Variants in KCNK2 observed in about 807,000 individuals in gnomAD.
KCNK2 encodes potassium two pore domain channel subfamily K member 2, also known as potassium channel subfamily K member 2.
Under a neutral mutation model 40.5 loss-of-function variants are expected in KCNK2, and 21 were observed. That is an observed-to-expected ratio of 0.52 (90% confidence interval 0.37 to 0.75). The LOEUF (loss-of-function observed/expected upper bound fraction) is 0.75. KCNK2 is among the 30% of genes least tolerant of loss of function. The pLI is 0.00. For missense variants in KCNK2, 399 were observed against 531.6 expected (o/e 0.75, Z 2.45); for synonymous variants, 191 against 202.2 (o/e 0.94, Z 0.47).
intron 5 of KCNK2, among the ~76,000 whole-genome samples, chr1:215,189,218 G>C (rs995609869): frequency 1.3e-5 from 2 of 152,092 alleles, no homozygotes; most frequent in African/African-American, 4.8e-5. Context: ...AAACCAAAAA[G>C]TTACTTAACT....
chr1:215,136,747 A>C (rs1661938300), intron 3 of KCNK2, among the ~76,000 whole-genome samples: 1 of 152,194 alleles, frequency 6.6e-6, no homozygotes, highest in South Asian at 2.1e-4. Flanking sequence ...ATACAAGTGC[A>C]CATGTTGTTT....
chr1:215,116,417 G>A (rs1660947096), intron 2 of KCNK2, among the ~76,000 whole-genome samples: 1 of 151,884 alleles, frequency 6.6e-6, no homozygotes, highest in African/African-American at 2.4e-5. Flanking sequence ...GATATGACCA[G>A]GAAAGACAAC....
chr1:215,207,201 C>A (rs141925602), intron 6 of KCNK2, among the ~76,000 whole-genome samples: 1 of 152,132 alleles, frequency 6.6e-6, no homozygotes, highest in Non-Finnish European at 1.5e-5. Context: ...GGATCCAGGC[C>A]GCACAGCAGG....
At position 215,063,768 on chromosome 1, in the gene KCNK2, T is replaced by C. The variant is rs534330489; in HGVS notation, c.35-22600T>C. ...AATACACGGTACATTAGCCTTCTTT[T>C]CCTTAAGGAAGTGTCATACTGAGGG... On this transcript the variant is annotated intron_variant, in intron 1 of 6. Coordinates refer to the KCNK2 transcript ENST00000391895. Among the ~76,000 whole-genome samples, 77 of 152,274 alleles carry C rather than the reference T, an allele frequency of 5.1e-4. 1 individual carries two copies. Among genetic ancestry groups the C allele is most frequent in the Middle Eastern group, 6.8e-3 (2 of 294 alleles).
At chr1:215,184,381 G>A (rs1416647) in intron 5 of KCNK2, among the ~76,000 whole-genome samples, 116,954 of 152,092 alleles carry the variant, frequency 0.77, 45,263 homozygotes, top group Non-Finnish European at 0.79. Context: ...AAGGCCTTAT[G>A]GCAACTGTGG....
intron 1 of KCNK2, among the ~76,000 whole-genome samples, chr1:215,034,747 T>C (rs1177714175): frequency 1.3e-5 from 2 of 152,194 alleles, no homozygotes; most frequent in African/African-American, 4.8e-5. Context: ...TTCTGTTTCA[T>C]TGATCTATTT....
At chr1:215,182,347 C>G (rs531925534) in intron 5 of KCNK2, among the ~76,000 whole-genome samples, 1 of 152,078 alleles carries the variant, frequency 6.6e-6, no homozygotes, top group East Asian at 1.9e-4. Flanking sequence ...GTTTGCTGCA[C>G]AACAATCTAT....
At chr1:215,200,186 C>A (rs527510185) in intron 6 of KCNK2, among the ~76,000 whole-genome samples, 2 of 152,312 alleles carry the variant, frequency 1.3e-5, no homozygotes, top group African/African-American at 2.4e-5. Context: ...TTTGACTGGA[C>A]AACGCTAGTG....
intron 6 of KCNK2, among the ~76,000 whole-genome samples, chr1:215,214,857 C>CAA (rs974000737): frequency 6.7e-6 from 1 of 149,866 alleles, no homozygotes; most frequent in South Asian, 2.1e-4. Context: ...AACCAAAAAC[C>CAA]AAAAAAAAAT....
chr1:215,043,247 CA>C (rs1657629748), intron 1 of KCNK2, among the ~76,000 whole-genome samples: 1 of 152,116 alleles, frequency 6.6e-6, no homozygotes. Flanking sequence ...GGTAGTTCCT[CA>C]AAAAACTATA....
chr1:215,110,679 T>A (rs1263633209), intron 2 of KCNK2, among the ~76,000 whole-genome samples: 1 of 152,150 alleles, frequency 6.6e-6, no homozygotes, highest in Admixed American at 6.6e-5. Flanking sequence ...TTTAATATAC[T>A]ATTTTTAAAG....
chr1:215,068,249 C>T (rs566800768), intron 1 of KCNK2, among the ~76,000 whole-genome samples: 1 of 152,062 alleles, frequency 6.6e-6, no homozygotes, highest in South Asian at 2.1e-4. Flanking sequence ...GGTACTCAAC[C>T]CCAAACTGAA....
In KCNK2 at chr1:215,027,944, G is replaced by A. The variant is rs182718085; in HGVS notation, c.34+21989G>A. On this transcript the variant is annotated intron_variant, in intron 1 of 6. Transcript: ENST00000391895. ...CTAGCATTTAAAGTTAAATGCCATAGATTTGTTCACAATATATCTTAATAT... is the reference window on the plus strand; with the variant it reads ...CTAGCATTTAAAGTTAAATGCCATAAATTTGTTCACAATATATCTTAATAT... 5.3e-5 allele frequency among the ~76,000 whole-genome samples: 8 copies of A among 152,210 alleles called. No homozygotes were observed. In the East Asian group the frequency reaches 1.5e-3, roughly 29 times the overall value.
At chr1:215,198,585 T>C (rs2102670079) in intron 6 of KCNK2, among the ~76,000 whole-genome samples, 1 of 152,296 alleles carries the variant, frequency 6.6e-6, no homozygotes, top group South Asian at 2.1e-4. Flanking sequence ...ACTAAATATA[T>C]TCTAGTTGTC....
At position 215,226,616 on chromosome 1, in the gene KCNK2, C is replaced by T. The variant is rs186699794; in HGVS notation, c.964-8212C>T. On this transcript the variant is annotated intron_variant, in intron 6 of 6. Transcript: ENST00000444842. Reference sequence around the variant, plus strand: ...CTGGGATTACAGGCATGAGCCACCGCGCCCGGCCAACCTTTCTTTAACTTC... The same window carrying T: ...CTGGGATTACAGGCATGAGCCACCGTGCCCGGCCAACCTTTCTTTAACTTC... Among the ~76,000 whole-genome samples the T allele has an allele frequency of 1.9e-3, 295 of 152,238 alleles. 2 individuals carry two copies. The highest frequency in any genetic ancestry group is 6.5e-3 in the African/African-American group (272 of 41,546).
At chr1:215,096,696 GT>G (rs954767806) in intron 2 of KCNK2, among the ~76,000 whole-genome samples, 1 of 151,892 alleles carries the variant, frequency 6.6e-6, no homozygotes, top group African/African-American at 2.4e-5. Context: ...GAATTCACAT[GT>G]TTTGATAGGC....
intron 1 of KCNK2, among the ~76,000 whole-genome samples, chr1:215,037,002 C>CTTTTTTTTT (rs3033912): frequency 7.9e-6 from 1 of 125,852 alleles, no homozygotes; most frequent in African/African-American, 3.0e-5. Context: ...CCTTTTATTC[C>CTTTTTTTTT]TTTTTTTTTT....
chr1:215,082,831 CCG>C lies in KCNK2; in HGVS notation c.-552_-551del. ...GCGCCCGGACCGTGCCACACACCCCCCGCGGGGCACGGAGGGCATTGCGGGGG... is the reference window on the plus strand; with the variant it reads ...GCGCCCGGACCGTGCCACACACCCCCCGGGGCACGGAGGGCATTGCGGGGG... On this transcript the variant is annotated 5_prime_UTR_variant, in exon 1 of 7. Transcript: ENST00000444842. 6.6e-6 allele frequency among the ~76,000 whole-genome samples: 1 copy of C among 152,158 alleles called. No individual in the cohort carries two copies. The highest frequency in any genetic ancestry group is 2.1e-4 in the South Asian group (1 of 4,828).
At chr1:215,229,784 G>C (rs1217754541) in intron 6 of KCNK2, among the ~76,000 whole-genome samples, 1 of 152,002 alleles carries the variant, frequency 6.6e-6, no homozygotes, top group Non-Finnish European at 1.5e-5. Flanking sequence ...ATTGTTTTCA[G>C]TATCTTTAGG....
Sources: gnomAD v4.1 joint callset for allele counts (sites outside exome capture counted in the v4.1 genomes callset) on GRCh38, gnomAD v4.1.1 for gene constraint, MANE v1.5 for transcripts, NCBI Gene and HGNC (gene_info 2026-07-23, HGNC 2026-07-21) for gene names.